SLC25A40: variants seen among roughly 807,000 people sequenced by gnomAD.
SLC25A40 encodes the protein mitochondrial glutathione transporter SLC25A40.
Under a neutral mutation model 46.5 loss-of-function variants are expected in SLC25A40, and 41 were observed. The ratio of observed to expected loss-of-function variants is 0.88; its 90% confidence interval spans 0.69 to 1.14. The LOEUF is 1.14. Among genes scored for constraint, SLC25A40 ranks in the 50% most tolerant of loss-of-function variants. The probability of loss-of-function intolerance (pLI) is 0.00; values close to 1 mark genes in which losing one functional copy is unlikely to be tolerated. For synonymous variants in SLC25A40, 126 were observed against 127.5 expected (o/e 0.99, Z 0.08); for missense variants, 386 against 393.6 (o/e 0.98, Z 0.16).
chr7:87,836,778 T>C lies in SLC25A40; in HGVS notation c.856A>G (p.Ile286Val). The change falls in exon 11 of 12, where the codon ATA (isoleucine) becomes GTA (valine). Residue 286 changes from isoleucine (I) to valine (V), a missense_variant. Transcript: ENST00000341119. ...TTTTTAGCAACAATGTTCTTCATTA[T>C]AATCCAGGTTGACATATGCAAAGGC... ...SMPLHMSTWIIMKNIVAKNGF... is the reference protein window; with the variant it reads ...SMPLHMSTWIVMKNIVAKNGF... 1 of 1,534,900 alleles carries C rather than the reference T, an allele frequency of 6.5e-7. No homozygotes were observed.
chr7:87,843,978 T>G (rs936033426), intron 8 of SLC25A40, 115 bp from the exon 9 acceptor site: 4 of 1,354,092 alleles, frequency 3.0e-6, no homozygotes, highest in Admixed American at 7.1e-5. Context: ...TTGACATACC[T>G]TGCTTTCTAC....
chr7:87,843,107 T>C (rs2130998386), intron 9 of SLC25A40, among the ~76,000 whole-genome samples: 1 of 152,160 alleles, frequency 6.6e-6, no homozygotes, highest in South Asian at 2.1e-4. Context: ...GTGGTTCCAG[T>C]GTGTTATTGT....
At chr7:87,861,645 AAC>A (rs925521223) in intron 1 of SLC25A40, among the ~76,000 whole-genome samples, 3 of 152,192 alleles carry the variant, frequency 2.0e-5, no homozygotes, top group Non-Finnish European at 2.9e-5. Flanking sequence ...ACATATTTGT[AAC>A]ATTCATTTAA....
rs1308763481 is a variant in SLC25A40, at chr7:87,859,958, G to A, written c.-25+614C>T. 7 of 152,104 alleles carry A rather than the reference G, an allele frequency of 4.6e-5. No individual in the cohort carries two copies. The South Asian group carries it at 6.2e-4, about 14-fold the overall frequency. The allele number at this position is 152,104 out of a possible 1,614,324, so 9.4% of individuals were successfully genotyped here. A position where few individuals can be genotyped will look rare whatever the true frequency, so the allele number is the denominator to read the frequency against. ...CACCTGTAATCCTAGCACTTTGGGA[G>A]GCCAAGGCAGGTGGATTACCTGAGG... On this transcript the variant is annotated intron_variant, in intron 2 of 11. Transcript: ENST00000341119.
chr7:87,833,948 A>C lies in SLC25A40; in HGVS notation c.*2301T>G, dbSNP rs968994629. On this transcript the variant is annotated 3_prime_UTR_variant, in exon 12 of 12. Coordinates refer to ENST00000341119, the MANE Select transcript of SLC25A40 (RefSeq NM_018843.4). ...AAAAAAAAATATTGCCTTTTAAAAA[A>C]AATCAAATATGTACTACTTTAAAGG... 6.6e-6 allele frequency: 1 copy of C among 151,956 alleles called. No individual in the cohort carries two copies. Among genetic ancestry groups the C allele is most frequent in the African/African-American group, 2.4e-5 (1 of 41,436 alleles). 9.4% of individuals were successfully genotyped at this position (151,956 alleles called of 1,614,324 possible).
chr7:87,840,133 A>G (rs28379741), intron 10 of SLC25A40, among the ~76,000 whole-genome samples: 7,412 of 151,846 alleles, frequency 0.049, 271 homozygotes, highest in East Asian at 0.092. Flanking sequence ...ATTAAAACCC[A>G]ATTCTTATTT....
intron 1 of SLC25A40, among the ~76,000 whole-genome samples, chr7:87,866,036 T>A (rs577335756): frequency 1.3e-5 from 2 of 151,508 alleles, no homozygotes; most frequent in East Asian, 3.9e-4. Context: ...TGAGCTGAGA[T>A]CATGCCACTG....
intron 4 of SLC25A40, 27 bp from the exon 5 acceptor site, chr7:87,854,337 C>A: frequency 7.5e-7 from 1 of 1,329,298 alleles, no homozygotes; most frequent in East Asian, 2.4e-5. Flanking sequence ...CAACAACCAA[C>A]AATTACCTCA....
Position 87,866,790 on chromosome 7 carries a change from C to T in SLC25A40, c.-93-6150G>A, listed in dbSNP as rs1351115819. On this transcript the variant is annotated intron_variant, in intron 1 of 11. Coordinates refer to ENST00000341119, the MANE Select transcript of SLC25A40 (RefSeq NM_018843.4). ...AGATCTTAAGTAGTTTAGACACACACCTTTACTCAAGGAAATTCACAGAAA... is the reference window on the plus strand; with the variant it reads ...AGATCTTAAGTAGTTTAGACACACATCTTTACTCAAGGAAATTCACAGAAA... Among the ~76,000 whole-genome samples the T allele has an allele frequency of 3.9e-5, 6 of 152,348 alleles. No individual in the cohort carries two copies. The East Asian group carries it at 9.6e-4, about 24-fold the overall frequency.
At chr7:87,852,869 T>G (rs1339468203) in intron 5 of SLC25A40, among the ~76,000 whole-genome samples, 1 of 152,084 alleles carries the variant, frequency 6.6e-6, no homozygotes, top group Admixed American at 6.5e-5. Context: ...TAAAACTAAC[T>G]CAAAATGGAT....
At chr7:87,839,500 A>G (rs532342803) in intron 10 of SLC25A40, among the ~76,000 whole-genome samples, 1 of 151,524 alleles carries the variant, frequency 6.6e-6, no homozygotes, top group Non-Finnish European at 1.5e-5. Flanking sequence ...TCAGAGAAAA[A>G]GAAGTTTAAC....
intron 10 of SLC25A40, 43 bp downstream of exon 10, chr7:87,841,590 C>CA: frequency 1.6e-6 from 2 of 1,241,072 alleles, no homozygotes; most frequent in Admixed American, 2.9e-5. Flanking sequence ...TAAGGAAAAA[C>CA]AAAAATGGCA....
At chr7:87,845,318 G>A (rs1490286531) in intron 8 of SLC25A40, among the ~76,000 whole-genome samples, 1 of 152,144 alleles carries the variant, frequency 6.6e-6, no homozygotes, top group East Asian at 1.9e-4. Context: ...GTACTGGTCT[G>A]TGTCCCATTA....
chr7:87,841,532 G>T, intron 10 of SLC25A40, 101 bp downstream of exon 10: 1 of 632,084 alleles, frequency 1.6e-6, no homozygotes, highest in South Asian at 2.5e-5. Context: ...GAATAATGCA[G>T]AAGAAAAAAT....
At chr7:87,847,689 A>G (rs995408536) in intron 7 of SLC25A40, among the ~76,000 whole-genome samples, 164 bp downstream of exon 7, 5 of 152,210 alleles carry the variant, frequency 3.3e-5, no homozygotes, top group African/African-American at 1.2e-4. Flanking sequence ...ACCATTCCAT[A>G]TGACTTCTGG....
intron 1 of SLC25A40, among the ~76,000 whole-genome samples, chr7:87,865,040 G>T (rs1838768681): frequency 6.6e-6 from 1 of 150,470 alleles, no homozygotes; most frequent in African/African-American, 2.4e-5. Context: ...GCAATGGCAG[G>T]ATCACAGCTA....
chr7:87,871,917 T>C (rs1444317817), intron 1 of SLC25A40, among the ~76,000 whole-genome samples: 1 of 152,234 alleles, frequency 6.6e-6, no homozygotes, highest in Non-Finnish European at 1.5e-5. Flanking sequence ...CTTCAAGTAA[T>C]TTGTCCATTT....
At chr7:87,867,743 C>T (rs1437898202) in intron 1 of SLC25A40, among the ~76,000 whole-genome samples, 1 of 152,208 alleles carries the variant, frequency 6.6e-6, no homozygotes, top group Non-Finnish European at 1.5e-5. Flanking sequence ...TGCTTAGACA[C>T]TCTTTGTAAT....
intron 1 of SLC25A40, among the ~76,000 whole-genome samples, chr7:87,872,752 AG>A (rs1838913758): frequency 6.6e-6 from 1 of 152,230 alleles, no homozygotes; most frequent in Admixed American, 6.5e-5. Flanking sequence ...ATCTGAGGTC[AG>A]GAGTTCAAGA....
Sources: gnomAD v4.1 joint callset for allele counts (sites outside exome capture counted in the v4.1 genomes callset) on GRCh38, gnomAD v4.1.1 for gene constraint, MANE v1.5 for transcripts, NCBI Gene and HGNC (gene_info 2026-07-23, HGNC 2026-07-21) for gene names.